Variants in BNC2 observed in about 807,000 individuals in gnomAD.
BNC2 encodes basonuclin zinc finger protein 2.
BNC2 carries 20 observed loss-of-function variants against 76.3 expected under a neutral mutation model. The observed-to-expected ratio is 0.26, with a 90% CI of 0.18 to 0.38. The LOEUF (loss-of-function observed/expected upper bound fraction) is 0.38, where lower values mean the gene tolerates loss of function less well. BNC2 is among the 10% of genes least tolerant of loss of function. The pLI is 1.00. For missense variants in BNC2, 1,382 were observed against 1,399.8 expected, an observed-to-expected ratio of 0.99 and a Z score of 0.20; for synonymous variants, 582 against 514.8, an observed-to-expected ratio of 1.13 and a Z score of -1.77.
intron 3 of BNC2, among the ~76,000 whole-genome samples, chr9:16,700,794 T>C (rs1270286086): frequency 6.6e-6 from 1 of 152,032 alleles, no homozygotes; most frequent in South Asian, 2.1e-4. Flanking sequence ...ACCCCATCCC[T>C]GCTAAAAATA....
intron 4 of BNC2, among the ~76,000 whole-genome samples, chr9:16,565,821 C>T (rs375861625): frequency 7.4e-5 from 11 of 147,750 alleles, no homozygotes; most frequent in African/African-American, 2.5e-4. Context: ...AAAAAAAAAG[C>T]AACAAACAAA....
intron 3 of BNC2, among the ~76,000 whole-genome samples, chr9:16,631,014 T>C (rs953382974): frequency 1.3e-5 from 2 of 152,126 alleles, no homozygotes; most frequent in African/African-American, 2.4e-5. Context: ...GGTGAGATTA[T>C]AGGCATGAGC....
At chr9:16,806,387 AAAG>A (rs1817912887) in intron 1 of BNC2, among the ~76,000 whole-genome samples, 1 of 152,134 alleles carries the variant, frequency 6.6e-6, no homozygotes, top group South Asian at 2.1e-4. Flanking sequence ...AGAAAAAAGA[AAAG>A]AAAAGAAAGA....
At chr9:16,697,426 A>G (rs1475936173) in intron 3 of BNC2, among the ~76,000 whole-genome samples, 1 of 150,366 alleles carries the variant, frequency 6.7e-6, no homozygotes. Flanking sequence ...GCTGAAATCT[A>G]AAGTATACGA....
intron 5 of BNC2, among the ~76,000 whole-genome samples, chr9:16,479,719 T>C (rs951910778): frequency 3.3e-5 from 5 of 152,204 alleles, no homozygotes; most frequent in African/African-American, 1.2e-4. Flanking sequence ...GAAATAAACA[T>C]TTCAAGTGCT....
chr9:16,673,092 G>T, intron 3 of BNC2, among the ~76,000 whole-genome samples: 1 of 152,108 alleles, frequency 6.6e-6, no homozygotes. Context: ...CTCTTTAGGT[G>T]ACAGGAGTGC....
chr9:16,665,490 G>GA (rs755965243), intron 3 of BNC2, among the ~76,000 whole-genome samples: 1 of 137,840 alleles, frequency 7.3e-6, no homozygotes, highest in African/African-American at 2.9e-5. Flanking sequence ...AAGAAAGAAA[G>GA]AGAGAGAGAG....
chr9:16,615,457 G>A (rs574952170), intron 3 of BNC2, among the ~76,000 whole-genome samples: 1 of 152,174 alleles, frequency 6.6e-6, no homozygotes, highest in African/African-American at 2.4e-5. Context: ...CATGTGAGAG[G>A]TGCCCTTCCC....
At chr9:16,620,334 A>G (rs977043235) in intron 3 of BNC2, among the ~76,000 whole-genome samples, 1 of 152,200 alleles carries the variant, frequency 6.6e-6, no homozygotes, top group Non-Finnish European at 1.5e-5. Flanking sequence ...CCACTGTATT[A>G]AACTCTCTTA....
intron 3 of BNC2, among the ~76,000 whole-genome samples, chr9:16,719,741 T>C (rs932201868): frequency 1.3e-5 from 2 of 152,240 alleles, no homozygotes; most frequent in African/African-American, 4.8e-5. Context: ...TCATGTGTTA[T>C]GTATACTGCA....
chr9:16,632,238 T>C (rs1821182934), intron 3 of BNC2, among the ~76,000 whole-genome samples: 1 of 152,202 alleles, frequency 6.6e-6, no homozygotes, highest in Non-Finnish European at 1.5e-5. Flanking sequence ...AAGTATTTAC[T>C]GAACCCCTTC....
chr9:16,725,249 AC>A (rs1824278182), intron 3 of BNC2, among the ~76,000 whole-genome samples: 1 of 149,530 alleles, frequency 6.7e-6, no homozygotes, highest in East Asian at 1.9e-4. Flanking sequence ...ACACACACAC[AC>A]GTGCTGAATC....
intron 6 of BNC2, among the ~76,000 whole-genome samples, chr9:16,425,646 T>C (rs896015229): frequency 3.3e-5 from 5 of 152,212 alleles, no homozygotes; most frequent in African/African-American, 1.2e-4. Context: ...ATGACATATA[T>C]GGAAAAGCCA....
intron 3 of BNC2, among the ~76,000 whole-genome samples, chr9:16,652,645 T>G (rs1821824624): frequency 1.3e-5 from 2 of 152,316 alleles, no homozygotes; most frequent in African/African-American, 2.4e-5. Context: ...TAAGTGCACA[T>G]GATATCATCA....
chr9:16,463,438 A>G (rs1056660408), intron 5 of BNC2, among the ~76,000 whole-genome samples: 32 of 145,606 alleles, frequency 2.2e-4, no homozygotes, highest in Non-Finnish European at 2.7e-4. Flanking sequence ...CTGGGACTAC[A>G]GGCGCCCGCC....
chr9:16,489,907 C>A (rs1822239491), intron 5 of BNC2, among the ~76,000 whole-genome samples: 1 of 152,208 alleles, frequency 6.6e-6, no homozygotes, highest in African/African-American at 2.4e-5. Context: ...GTATCTGCCA[C>A]TGATTAGTTA....
intron 1 of BNC2, among the ~76,000 whole-genome samples, chr9:16,804,001 A>C (rs987684379): frequency 1.6e-4 from 24 of 152,244 alleles, no homozygotes; most frequent in Non-Finnish European, 5.9e-5. Context: ...CAGTTTTTGT[A>C]TAACAATGAG....
chr9:16,866,234 C>A (rs747064681), intron 1 of BNC2, among the ~76,000 whole-genome samples: 32 of 152,002 alleles, frequency 2.1e-4, no homozygotes, highest in Non-Finnish European at 2.6e-4. Flanking sequence ...AATCCTATTT[C>A]TTTAACTTAT....
chr9:16,441,960 T>C (rs1482328114), intron 5 of BNC2, among the ~76,000 whole-genome samples: 2 of 152,188 alleles, frequency 1.3e-5, no homozygotes, highest in African/African-American at 4.8e-5. Flanking sequence ...GACCAACTCA[T>C]GCTGGGCCAC....
Sources: allele counts gnomAD v4.1 joint callset (sites outside exome capture counted in the v4.1 genomes callset), GRCh38; gene constraint gnomAD v4.1.1; transcripts MANE v1.5; gene names NCBI Gene and HGNC (gene_info 2026-07-23, HGNC 2026-07-21).